CELF4: variants seen among roughly 807,000 people sequenced by gnomAD.
The protein encoded by CELF4 is CUG-BP- and ETR-3-like factor 4.
A neutral mutation model predicts 59.9 loss-of-function variants in CELF4; 18 were observed. That is an observed-to-expected ratio of 0.30 (90% CI 0.21 to 0.45). CELF4 has a LOEUF of 0.45. Ranked by LOEUF, CELF4 falls within the 20% of genes least tolerant of loss-of-function variation. The probability of loss-of-function intolerance (pLI) is 1.00; values close to 1 mark genes in which losing one functional copy is unlikely to be tolerated. For missense variants in CELF4, 456 were observed against 689.0 expected (o/e 0.66, Z 3.79); for synonymous variants, 261 against 267.1 (o/e 0.98, Z 0.22).
At chr18:37,481,526 C>T (rs146446165) in intron 2 of CELF4, among the ~76,000 whole-genome samples, 105 of 152,284 alleles carry the variant, frequency 6.9e-4, no homozygotes, top group Middle Eastern at 3.4e-3. Context: ...GGAGGAGCTG[C>T]GACAAAGCTT....
chr18:37,359,076 C>T (rs1479080068), intron 2 of CELF4, among the ~76,000 whole-genome samples: 1 of 152,028 alleles, frequency 6.6e-6, no homozygotes, highest in African/African-American at 2.4e-5. Context: ...CCAGCCTGGG[C>T]GACACAGCAA....
chr18:37,440,138 G>A (rs914597321), intron 2 of CELF4, among the ~76,000 whole-genome samples: 1 of 152,150 alleles, frequency 6.6e-6, no homozygotes, highest in Non-Finnish European at 1.5e-5. Flanking sequence ...GCAGGGACCT[G>A]GGGAGATTTG....
chr18:37,536,492 T>C (rs2099973618), intron 1 of CELF4, among the ~76,000 whole-genome samples: 1 of 152,222 alleles, frequency 6.6e-6, no homozygotes, highest in Admixed American at 6.5e-5. Context: ...GGTCCCCAGC[T>C]ACAGGTCTAT....
At chr18:37,303,037 G>A (rs1053789106) in intron 3 of CELF4, among the ~76,000 whole-genome samples, 1 of 152,164 alleles carries the variant, frequency 6.6e-6, no homozygotes, top group Non-Finnish European at 1.5e-5. Context: ...ACTGAACACT[G>A]TAGGAGGGGA....
At chr18:37,494,621 C>T (rs577420840) in intron 1 of CELF4, among the ~76,000 whole-genome samples, 8 of 152,282 alleles carry the variant, frequency 5.3e-5, no homozygotes, top group South Asian at 4.1e-4. Context: ...AGCATAGGCT[C>T]GGGATGGGGT....
At chr18:37,256,909 G>A (rs1291846884) in intron 11 of CELF4, among the ~76,000 whole-genome samples, 3 of 152,180 alleles carry the variant, frequency 2.0e-5, no homozygotes, top group Non-Finnish European at 4.4e-5. Context: ...AAGGCCTCTG[G>A]GATATTGGCA....
intron 2 of CELF4, among the ~76,000 whole-genome samples, chr18:37,334,823 A>T (rs918766091): frequency 6.6e-6 from 1 of 152,020 alleles, no homozygotes; most frequent in Non-Finnish European, 1.5e-5. Flanking sequence ...AAAAGAAAAA[A>T]CAAAGCCCAC....
chr18:37,431,529 A>G (rs1035535866), intron 2 of CELF4, among the ~76,000 whole-genome samples: 15 of 151,746 alleles, frequency 9.9e-5, no homozygotes, highest in Non-Finnish European at 1.6e-4. Flanking sequence ...CACCACGCCC[A>G]GCTAATTATT....
Position 37,253,742 on chromosome 18 carries a change from C to G in CELF4, c.*44+25G>C, listed in dbSNP as rs2067074487. The G allele has an allele frequency of 6.5e-7, 1 of 1,539,016 alleles. No homozygotes were observed. The highest frequency in any genetic ancestry group is 8.8e-7 in the Non-Finnish European group (1 of 1,138,892). ...TCTGGTTCCCTCCCAACCCCCGTCC[C>G]CGCGCCCCGGCCGCCCCCGGTTACC... On this transcript the variant is annotated intron_variant, in intron 12 of 12. Transcript: ENST00000420428. This position sits in a 1 kb window ranked among gnomAD's most constrained non-coding sequence, Gnocchi z 4.5.
At chr18:37,481,388 C>T (rs1252027727) in intron 2 of CELF4, among the ~76,000 whole-genome samples, 1 of 152,206 alleles carries the variant, frequency 6.6e-6, no homozygotes, top group East Asian at 1.9e-4. Flanking sequence ...AGCAAAAGTG[C>T]TGGCCACAGC....
chr18:37,320,276 C>A (rs2097056730), intron 3 of CELF4, among the ~76,000 whole-genome samples: 3 of 140,934 alleles, frequency 2.1e-5, no homozygotes, highest in Non-Finnish European at 3.0e-5. Flanking sequence ...GCGGAGCTTG[C>A]AGTGAGCCGA....
chr18:37,470,887 T>TGTGTGAGA (rs1325788685), intron 2 of CELF4, among the ~76,000 whole-genome samples: 5 of 71,928 alleles, frequency 7.0e-5, no homozygotes, highest in Non-Finnish European at 1.1e-4. Context: ...TGTGTGTGTG[T>TGTGTGAGA]GACAGAGAGA....
At chr18:37,337,665 C>T (rs1198314521) in intron 2 of CELF4, among the ~76,000 whole-genome samples, 1 of 152,214 alleles carries the variant, frequency 6.6e-6, no homozygotes, top group East Asian at 1.9e-4. Context: ...AAGTCATGTT[C>T]CCATCACCCC....
At chr18:37,251,810 T>C (rs2065691880) in intron 12 of CELF4, among the ~76,000 whole-genome samples, 1 of 152,150 alleles carries the variant, frequency 6.6e-6, no homozygotes, top group Admixed American at 6.5e-5. Context: ...GGATGGTGAC[T>C]CATTCATCCT....
At chr18:37,550,686 G>C (rs1246068951) in intron 1 of CELF4, among the ~76,000 whole-genome samples, 2 of 152,260 alleles carry the variant, frequency 1.3e-5, no homozygotes, top group African/African-American at 4.8e-5. Flanking sequence ...CTCTGCTGCA[G>C]CAGGGGAGGT....
intron 2 of CELF4, among the ~76,000 whole-genome samples, chr18:37,416,886 T>C (rs989483565): frequency 1.3e-5 from 2 of 151,496 alleles, no homozygotes; most frequent in African/African-American, 4.9e-5. Context: ...GGTGGTAGCA[T>C]CTCTCTGGGG....
intron 2 of CELF4, among the ~76,000 whole-genome samples, chr18:37,331,617 G>A (rs1217480410): frequency 2.0e-5 from 3 of 152,142 alleles, no homozygotes; most frequent in African/African-American, 7.2e-5. Context: ...GCGAACTGCA[G>A]TGAGAGAGGG....
chr18:37,354,564 C>A (rs1021768713), intron 2 of CELF4, among the ~76,000 whole-genome samples: 6 of 152,224 alleles, frequency 3.9e-5, no homozygotes, highest in African/African-American at 1.4e-4. Flanking sequence ...AAAATGTATT[C>A]TCTCAGCAAA....
chr18:37,420,947 A>G (rs1603638129), intron 2 of CELF4, among the ~76,000 whole-genome samples: 1 of 152,306 alleles, frequency 6.6e-6, no homozygotes, highest in South Asian at 2.1e-4. Flanking sequence ...GTTCCCATCC[A>G]ATTCAGGTAA....
Sources: allele counts gnomAD v4.1 joint callset (sites outside exome capture counted in the v4.1 genomes callset), GRCh38; gene constraint gnomAD v4.1.1; non-coding constraint Gnocchi (gnomAD v3.1); transcripts MANE v1.5; gene names NCBI Gene and HGNC (gene_info 2026-07-23, HGNC 2026-07-21).